Variants in KICS2 observed in about 807,000 individuals in gnomAD.
KICS2 encodes the protein KICSTOR complex protein C12orf66.
Under a neutral mutation model 31.4 loss-of-function variants are expected in KICS2, and 13 were observed. The ratio of observed to expected loss-of-function variants is 0.41; its 90% CI spans 0.27 to 0.66. The LOEUF (loss-of-function observed/expected upper bound fraction) is 0.66. KICS2 is among the 30% of genes least tolerant of loss of function. KICS2 has a pLI of 0.28. For synonymous variants in KICS2, 209 were observed against 214.8 expected (o/e 0.97, Z 0.24); for missense variants, 455 against 545.4 (o/e 0.83, Z 1.65).
chr12:64,190,634 T>C (rs1206174009), downstream of KICS2, among the ~76,000 whole-genome samples: 3 of 151,822 alleles, frequency 2.0e-5, no homozygotes, highest in Non-Finnish European at 4.4e-5. Context: ...GGCATGGTCC[T>C]AGCTACTCGG....
chr12:64,195,067 A>G (rs1181810927), intron 2 of KICS2, among the ~76,000 whole-genome samples: 1 of 151,876 alleles, frequency 6.6e-6, no homozygotes, highest in Non-Finnish European at 1.5e-5. Context: ...TTAGCATCCC[A>G]AGCAGCTGAG....
Position 64,193,349 on chromosome 12 carries a change from C to G in KICS2, c.*493G>C, listed in dbSNP as rs1476305920. 32 of 985,170 alleles carry G rather than the reference C, an allele frequency of 3.2e-5. No individual in the cohort carries two copies. The highest frequency in any genetic ancestry group is 3.6e-5 in the Non-Finnish European group (30 of 829,842). The allele number at this position is 985,170 out of a possible 1,614,324, so 61.0% of individuals were successfully genotyped here. A position where few individuals can be genotyped will look rare whatever the true frequency, so the allele number is the denominator to read the frequency against. ...GCATCAAAAATGTTAATTTGTAGAT[C>G]AGAATCATAAATCTACTAACTCCAT... is the stretch of plus-strand genomic sequence containing the variant. On this transcript the variant is annotated 3_prime_UTR_variant, in exon 3 of 3. Transcript: ENST00000398055.
At chr12:64,202,422 A>T (rs570385101) in intron 2 of KICS2, among the ~76,000 whole-genome samples, 1 of 152,052 alleles carries the variant, frequency 6.6e-6, no homozygotes, top group Admixed American at 6.6e-5. Flanking sequence ...GTTTTTGACT[A>T]TGATCTACTG....
chr12:64,217,930 AAGAAAGAAAG>A (rs951622692), intron 1 of KICS2, among the ~76,000 whole-genome samples: 13 of 152,120 alleles, frequency 8.5e-5, no homozygotes, highest in African/African-American at 3.1e-4. Context: ...GGAAGGAAGG[AAGAAAGAAAG>A]AGAAAGAAAG....
In KICS2 at chr12:64,194,472, G is replaced by A; in HGVS notation, c.708C>T (p.Thr236=). 6.2e-7 allele frequency: 1 copy of A among 1,614,128 alleles called. No homozygotes were observed. The highest frequency in any genetic ancestry group is 8.5e-7 in the Non-Finnish European group (1 of 1,180,020). The part of the protein sequence containing the change: ...WGQIFEKQRE[T]KKHLFGGQSQ... ...ACTGCCCTCCAAACAGATGTTTCTT[G>A]GTCTCCCGCTGTTTCTCAAAGATCT... is the stretch of plus-strand genomic sequence containing the variant. Residue 236 remains threonine (T), a synonymous_variant, in exon 3 of 3, where the codon ACC becomes ACT. Coordinates refer to ENST00000398055, the MANE Select transcript of KICS2 (RefSeq NM_152440.5).
intron 2 of KICS2, 25 bp from the exon 3 acceptor site, chr12:64,194,683 T>C (rs1015576784): frequency 3.8e-6 from 6 of 1,572,442 alleles, no homozygotes; most frequent in Non-Finnish European, 3.5e-6. Context: ...GAAATAGAGA[T>C]AAGTGGAAAT....
intron 2 of KICS2, among the ~76,000 whole-genome samples, chr12:64,205,593 T>TG (rs2037528440): frequency 6.1e-5 from 1 of 16,312 alleles, no homozygotes. Flanking sequence ...ACATCTGCTC[T>TG]AAGGAAAGGA....
At position 64,222,292 on chromosome 12, in the gene KICS2, G is replaced by T; in HGVS notation, c.-55C>A. ...GCTCTCCTCGGCCTCGCACTTCCGG[G>T]TTCTGAGGGAACGGGCTTGCGCACA... On this transcript the variant is annotated 5_prime_UTR_variant, in exon 1 of 3. Coordinates refer to ENST00000398055, the MANE Select transcript of KICS2 (RefSeq NM_152440.5). 3 of 1,589,240 alleles carry T rather than the reference G, an allele frequency of 1.9e-6. No homozygotes were observed. Among genetic ancestry groups the T allele is most frequent in the Non-Finnish European group, 2.6e-6 (3 of 1,167,936 alleles).
intron 1 of KICS2, among the ~76,000 whole-genome samples, chr12:64,221,315 T>G (rs994111526): frequency 2.0e-5 from 3 of 152,212 alleles, no homozygotes; most frequent in Non-Finnish European, 4.4e-5. Flanking sequence ...TGTATGCATA[T>G]TCCATGCCTT....
intron 1 of KICS2, 149 bp downstream of exon 1, chr12:64,221,854 G>T: frequency 7.7e-6 from 7 of 907,538 alleles, no homozygotes; most frequent in Non-Finnish European, 1.1e-5. Flanking sequence ...CCCAGGGAAG[G>T]AAAGGAACGG....
chr12:64,196,609 T>C (rs1016580625), intron 2 of KICS2, among the ~76,000 whole-genome samples: 61 of 151,498 alleles, frequency 4.0e-4, no homozygotes, highest in Non-Finnish European at 7.9e-4. Flanking sequence ...AGAATGACTT[T>C]GACGAGCTGA....
At chr12:64,212,424 T>A (rs2037590383) in intron 2 of KICS2, among the ~76,000 whole-genome samples, 1 of 152,218 alleles carries the variant, frequency 6.6e-6, no homozygotes, top group East Asian at 1.9e-4. Context: ...ATTATGTAAT[T>A]TCCATGTGGT....
intron 1 of KICS2, among the ~76,000 whole-genome samples, chr12:64,220,842 A>T (rs924985099): frequency 6.6e-6 from 1 of 152,180 alleles, no homozygotes; most frequent in Non-Finnish European, 1.5e-5. Flanking sequence ...GCTAATCTAT[A>T]GAAAGGGGAA....
intron 2 of KICS2, among the ~76,000 whole-genome samples, chr12:64,211,352 C>G (rs550700872): frequency 2.8e-4 from 43 of 152,320 alleles, no homozygotes; most frequent in Admixed American, 1.1e-3. Flanking sequence ...GGCGCAGTGG[C>G]TCACACCAAT....
intron 2 of KICS2, among the ~76,000 whole-genome samples, chr12:64,198,882 C>T (rs1263266923): frequency 6.6e-6 from 1 of 151,588 alleles, no homozygotes; most frequent in Non-Finnish European, 1.5e-5. Flanking sequence ...CACACATACA[C>T]TCTCCCAAGA....
intron 2 of KICS2, among the ~76,000 whole-genome samples, chr12:64,202,589 G>C (rs1478548007): frequency 6.7e-6 from 1 of 149,104 alleles, no homozygotes. Flanking sequence ...TATTACTTCC[G>C]CTATTGATAG....
At chr12:64,203,474 T>C (rs2037508985) in intron 2 of KICS2, among the ~76,000 whole-genome samples, 2 of 152,192 alleles carry the variant, frequency 1.3e-5, no homozygotes, top group African/African-American at 4.8e-5. Flanking sequence ...CCTCAGCAAG[T>C]GATCCCACTG....
At chr12:64,206,145 C>T (rs2037537346) in intron 2 of KICS2, among the ~76,000 whole-genome samples, 1 of 152,118 alleles carries the variant, frequency 6.6e-6, no homozygotes, top group African/African-American at 2.4e-5. Flanking sequence ...GTCTTGAATG[C>T]CTAGCCTCAA....
intron 2 of KICS2, among the ~76,000 whole-genome samples, chr12:64,210,038 C>T (rs1018290417): frequency 6.6e-6 from 1 of 152,132 alleles, no homozygotes; most frequent in East Asian, 1.9e-4. Flanking sequence ...AAAAAGTCTA[C>T]AGAAAAAAGC....
Sources: gnomAD v4.1 joint callset for allele counts (sites outside exome capture counted in the v4.1 genomes callset) on GRCh38, gnomAD v4.1.1 for gene constraint, MANE v1.5 for transcripts, NCBI Gene and HGNC (gene_info 2026-07-23, HGNC 2026-07-21) for gene names.